ADGRL2: variants seen among roughly 807,000 people sequenced by gnomAD.
ADGRL2 encodes adhesion G protein-coupled receptor L2, also known as calcium-independent alpha-latrotoxin receptor 2.
ADGRL2 carries 44 observed loss-of-function variants against 157.4 expected under a neutral mutation model. The ratio of observed to expected loss-of-function variants is 0.28; its 90% CI spans 0.22 to 0.36. The LOEUF is 0.36. Among genes scored for constraint, ADGRL2 ranks in the 10% least tolerant of loss-of-function variants. ADGRL2 has a pLI of 1.00. For synonymous variants in ADGRL2, 585 were observed against 624.7 expected (o/e 0.94, Z 0.95); for missense variants, 1,510 against 1,768.9 (o/e 0.85, Z 2.63).
In ADGRL2 at chr1:81,484,337, A is replaced by T. The variant is rs115648925; in HGVS notation, c.-248+39248A>T. On this transcript the variant is annotated intron_variant, in intron 2 of 24. Transcript: ENST00000370721. Reference sequence around the variant, plus strand: ...CAAAGCAGCTTGCCCATGTCAACAGATCATTTTATTTGGGCTCCAGGTTTC... The same window carrying T: ...CAAAGCAGCTTGCCCATGTCAACAGTTCATTTTATTTGGGCTCCAGGTTTC... Among the ~76,000 whole-genome samples the T allele has an allele frequency of 2.3e-3, 343 of 152,288 alleles. 1 individual carries two copies. Among genetic ancestry groups the T allele is most frequent in the African/African-American group, 8.0e-3 (334 of 41,550 alleles).
At chr1:81,732,231 G>GT (rs2084750449) in intron 1 of ADGRL2, among the ~76,000 whole-genome samples, 2 of 152,176 alleles carry the variant, frequency 1.3e-5, no homozygotes, top group Non-Finnish European at 2.9e-5. Context: ...TCCACCCCTA[G>GT]TGCACTAGTT....
intron 1 of ADGRL2, among the ~76,000 whole-genome samples, chr1:81,318,635 T>G (rs1327599): frequency 0.62 from 94,181 of 152,026 alleles, 29,707 homozygotes; most frequent in Middle Eastern, 0.72. Flanking sequence ...TAATAGCAGT[T>G]ATGGGACGGC....
At chr1:81,478,829 G>C (rs1484719297) in intron 2 of ADGRL2, among the ~76,000 whole-genome samples, 1 of 151,864 alleles carries the variant, frequency 6.6e-6, no homozygotes, top group Admixed American at 6.6e-5. Flanking sequence ...GCATCTGCAT[G>C]CATTTATTTG....
At chr1:81,314,124 T>C (rs1324651460) in intron 1 of ADGRL2, among the ~76,000 whole-genome samples, 1 of 152,218 alleles carries the variant, frequency 6.6e-6, no homozygotes, top group Non-Finnish European at 1.5e-5. Context: ...CTGGTGTTAA[T>C]CATGAAAGTA....
chr1:81,422,889 T>C (rs1001974828), intron 1 of ADGRL2, among the ~76,000 whole-genome samples: 4 of 152,198 alleles, frequency 2.6e-5, no homozygotes, highest in African/African-American at 9.6e-5. Flanking sequence ...ACATACACAA[T>C]GTATTTCAAA....
intron 3 of ADGRL2, among the ~76,000 whole-genome samples, chr1:81,642,397 G>A (rs949930427): frequency 1.3e-5 from 2 of 150,438 alleles, no homozygotes; most frequent in Admixed American, 6.6e-5. Context: ...TCCAGCCTGA[G>A]TGACAGAGCA....
At chr1:81,613,872 C>T (rs1018749267) in intron 3 of ADGRL2, among the ~76,000 whole-genome samples, 7 of 152,192 alleles carry the variant, frequency 4.6e-5, no homozygotes, top group Non-Finnish European at 1.0e-4. Flanking sequence ...GATGTGAGAG[C>T]GCATTTTTTT....
intron 2 of ADGRL2, among the ~76,000 whole-genome samples, chr1:81,524,476 A>G (rs1408955107): frequency 6.6e-6 from 1 of 152,240 alleles, no homozygotes; most frequent in Non-Finnish European, 1.5e-5. Context: ...TACATGTGAA[A>G]AACTACATAT....
chr1:81,790,155 G>A (rs1416547206), intron 2 of ADGRL2, among the ~76,000 whole-genome samples: 1 of 151,966 alleles, frequency 6.6e-6, no homozygotes, highest in Admixed American at 6.6e-5. Context: ...AGTGTTCTAG[G>A]GAAAATGTGC....
chr1:81,400,290 G>T (rs1056195428), intron 1 of ADGRL2, among the ~76,000 whole-genome samples: 1 of 152,030 alleles, frequency 6.6e-6, no homozygotes, highest in Non-Finnish European at 1.5e-5. Context: ...TTTGGGGCCC[G>T]TGTCAAGACT....
rs575266769 is a variant in ADGRL2, at chr1:81,735,870, C to A, written c.-142-25941C>A. Among the ~76,000 whole-genome samples, 9 of 151,776 alleles carry A rather than the reference C, an allele frequency of 5.9e-5. No individual in the cohort carries two copies. In the East Asian group the frequency reaches 1.2e-3, roughly 20 times the overall value. ...GCTAAGAGTCAAACTGACGGCTGGG[C>A]GCGGTGGCTTACGCCTGTAATCCCA... On this transcript the variant is annotated intron_variant, in intron 1 of 20. Coordinates refer to the ADGRL2 transcript ENST00000359929.
intron 3 of ADGRL2, among the ~76,000 whole-genome samples, chr1:81,656,046 T>C (rs1174682168): frequency 6.6e-6 from 1 of 152,220 alleles, no homozygotes; most frequent in East Asian, 1.9e-4. Context: ...TTTTTACCTC[T>C]TTTGTATATT....
At chr1:81,852,850 C>G (rs1458298557) in intron 2 of ADGRL2, among the ~76,000 whole-genome samples, 1 of 152,002 alleles carries the variant, frequency 6.6e-6, no homozygotes, top group East Asian at 1.9e-4. Flanking sequence ...ACATAATGAA[C>G]TTTTTAGCTT....
At chr1:81,412,925 A>G (rs994009504) in intron 1 of ADGRL2, among the ~76,000 whole-genome samples, 1 of 152,166 alleles carries the variant, frequency 6.6e-6, no homozygotes, top group South Asian at 2.1e-4. Flanking sequence ...CTTATCTTTA[A>G]TTACTATTCT....
intron 1 of ADGRL2, among the ~76,000 whole-genome samples, chr1:81,420,511 C>T (rs2101536914): frequency 6.6e-6 from 1 of 152,338 alleles, no homozygotes; most frequent in South Asian, 2.1e-4. Flanking sequence ...GAATTGATTT[C>T]AGCTCAGCAT....
intron 2 of ADGRL2, among the ~76,000 whole-genome samples, chr1:81,467,620 T>A (rs1462487236): frequency 6.6e-6 from 1 of 152,150 alleles, no homozygotes; most frequent in East Asian, 1.9e-4. Flanking sequence ...GTTAGATCCC[T>A]AGTGAGATTT....
rs72939288 is a variant in ADGRL2, at chr1:81,678,854, G to A, written c.-142-82957G>A. Among the ~76,000 whole-genome samples the A allele has an allele frequency of 7.3e-3, 1,117 of 152,284 alleles. 9 individuals carry two copies. Among genetic ancestry groups the A allele is most frequent in the African/African-American group, 0.025 (1,052 of 41,542 alleles). ...AACATCCTGGTGTGCAAAGGTTAGA[G>A]GCAGGCCTTGGTAATTAACTGCAGT... On this transcript the variant is annotated intron_variant, in intron 3 of 24. Coordinates refer to the ADGRL2 transcript ENST00000370721.
intron 3 of ADGRL2, among the ~76,000 whole-genome samples, chr1:81,607,816 C>T (rs1004160253): frequency 7.2e-5 from 11 of 152,100 alleles, no homozygotes; most frequent in African/African-American, 2.7e-4. Flanking sequence ...CCCTTTGGTA[C>T]TTACTGAGTT....
At chr1:81,606,492 C>T (rs1013594004) in intron 3 of ADGRL2, among the ~76,000 whole-genome samples, 7 of 65,186 alleles carry the variant, frequency 1.1e-4, no homozygotes, top group Non-Finnish European at 2.1e-4. Flanking sequence ...CAGGTTCATG[C>T]ACATGCACAC....
Sources: allele counts gnomAD v4.1 joint callset (sites outside exome capture counted in the v4.1 genomes callset), GRCh38; gene constraint gnomAD v4.1.1; transcripts MANE v1.5; gene names NCBI Gene and HGNC (gene_info 2026-07-23, HGNC 2026-07-21).